EXOC3L1: variants seen among roughly 807,000 people sequenced by gnomAD.
EXOC3L1 encodes the protein exocyst complex component 3 like 1, also known as exocyst complex component 3-like protein.
A neutral mutation model predicts 83.6 loss-of-function variants in EXOC3L1; 79 were observed. The ratio of observed to expected loss-of-function variants is 0.95; its 90% CI spans 0.79 to 1.14. The LOEUF (loss-of-function observed/expected upper bound fraction) is 1.14, where lower values mean the gene tolerates loss of function less well. Ranked by LOEUF, EXOC3L1 falls within the 50% of genes most tolerant of loss-of-function variation. The pLI is 0.00. For missense variants in EXOC3L1, 945 were observed against 972.0 expected (o/e 0.97, Z 0.37); for synonymous variants, 433 against 451.2 (o/e 0.96, Z 0.51).
chr16:67,185,735 C>T (rs1228290444), intron 9 of EXOC3L1: 7 of 573,304 alleles, frequency 1.2e-5, no homozygotes, highest in Non-Finnish European at 1.6e-5. Context: ...GGAAAACATT[C>T]TTTCGGTTTC....
Position 67,187,453 on chromosome 16 carries a change from G to T in EXOC3L1, c.812C>A (p.Ala271Asp). Reference sequence around the variant, plus strand: ...CAGAGCCTCCAGCCACCCTGGTAGGGCCCCTGGTGCAGGCAGCAGAGGTGA... The same window carrying T: ...CAGAGCCTCCAGCCACCCTGGTAGGTCCCCTGGTGCAGGCAGCAGAGGTGA... ...FGSPLLPAPG[A>D]LPGWLEALRV... Residue 271 changes from alanine to aspartate, a missense_variant, in exon 5 of 14, where the codon GCC becomes GAC. By Grantham distance (126) the Ala-to-Asp change is moderately radical. Transcript: ENST00000314586. 6.2e-7 allele frequency: 1 copy of T among 1,608,972 alleles called. No homozygotes were observed. Among genetic ancestry groups the T allele is most frequent in the Non-Finnish European group, 8.5e-7 (1 of 1,179,736 alleles).
chr16:67,186,944 G>T, intron 6 of EXOC3L1, 60 bp from the exon 7 acceptor site: 1 of 1,612,572 alleles, frequency 6.2e-7, no homozygotes, highest in Non-Finnish European at 8.5e-7. Flanking sequence ...CTGGAGATGG[G>T]TAGACATTCC....
rs1326820702 is a variant in EXOC3L1 at position 67,189,071 on chromosome 16, C to T, written c.156G>A (p.Gln52=). The change falls in exon 3 of 14, where the codon CAG becomes CAA. Residue 52 remains glutamine (Q), a synonymous_variant. Coordinates refer to ENST00000314586, the MANE Select transcript of EXOC3L1 (RefSeq NM_178516.4). ...TACGCTGCACCTCGCGGCTGCGGTA[C>T]TGGCCTAGCCTGGCCAGCTGCTCCG... ...YRPEQLARLG[Q]YRSREVQRTC... is the part of the protein sequence containing the mutation. The T allele has an allele frequency of 1.2e-6, 2 of 1,607,296 alleles. No homozygotes were observed. Among genetic ancestry groups the T allele is most frequent in the African/African-American group, 2.7e-5 (2 of 74,988 alleles).
rs141493416 is a variant in EXOC3L1, at chr16:67,185,466, C to T, written c.1521G>A (p.Leu507=). 7.5e-6 allele frequency: 12 copies of T among 1,609,822 alleles called. No individual in the cohort carries two copies. In the African/African-American group the frequency reaches 1.3e-4, roughly 18 times the overall value. The change falls in exon 10 of 14, where the codon CTG becomes CTA. Residue 507 remains leucine, a synonymous_variant. Transcript: ENST00000314586. ...ALSSSVSVLQ[L]DGAPSGALAP... ...CCAAGGCCCCTGAAGGCGCCCCGTC[C>T]AGCTGCAGGACAGACACTGAGGAGC...
rs772771429 is a variant in EXOC3L1 at position 67,187,840 on chromosome 16, A to G, written c.428-3T>C. 1.4e-4 allele frequency: 219 copies of G among 1,574,576 alleles called. 2 individuals carry two copies. In the Admixed American group the frequency reaches 3.9e-3, roughly 28 times the overall value. ...TGTGTGGGACACTGCAGCCGGCACTAATGAGAGTGAAAAGGAGACGGCCCT... is the reference window on the plus strand; with the variant it reads ...TGTGTGGGACACTGCAGCCGGCACTGATGAGAGTGAAAAGGAGACGGCCCT... On this transcript the variant is annotated splice_region_variant and splice_polypyrimidine_tract_variant and intron_variant, in intron 4 of 13. Coordinates refer to ENST00000314586, the MANE Select transcript of EXOC3L1 (RefSeq NM_178516.4).
In EXOC3L1 at chr16:67,187,568, G is replaced by A. The variant is rs199535071; in HGVS notation, c.697C>T (p.Arg233Ter). ...GGGACCTGGCCCAGGGGGGTTGTTC[G>A]TCCAGTCTCCACCTCCGCCACACGC... ...AVRVAEVETG[R>*]TTPLGQVPRD... Residue 233 changes from arginine to a stop codon, truncating the protein, a stop_gained, in exon 5 of 14, where the codon CGA becomes TGA. Transcript: ENST00000314586. LOFTEE classifies it high-confidence loss of function. 37 of 1,604,268 alleles carry A rather than the reference G, an allele frequency of 2.3e-5. No individual in the cohort carries two copies. The highest frequency in any genetic ancestry group is 1.7e-4 in the Middle Eastern group (1 of 6,052).
At chr16:67,189,846 G>A in intron 1 of EXOC3L1, 125 bp downstream of exon 1, 1 of 653,596 alleles carries the variant, frequency 1.5e-6, no homozygotes, top group Non-Finnish European at 2.6e-6. Flanking sequence ...GCACCTGGGA[G>A]GCTTTGCCTG....
chr16:67,188,710 T>C lies in EXOC3L1; in HGVS notation c.427+11A>G. 1.2e-6 allele frequency: 2 copies of C among 1,606,208 alleles called. No individual in the cohort carries two copies. Among genetic ancestry groups the C allele is most frequent in the East Asian group, 2.2e-5 (1 of 44,702 alleles). ...ATTGGAGGCTGAGGCCCAGGGTCCCTGCATGCTCACCTGCCCGCAGCCGAG... is the reference window on the plus strand; with the variant it reads ...ATTGGAGGCTGAGGCCCAGGGTCCCCGCATGCTCACCTGCCCGCAGCCGAG... On this transcript the variant is annotated intron_variant, in intron 4 of 13. Coordinates refer to ENST00000314586, the MANE Select transcript of EXOC3L1 (RefSeq NM_178516.4).
At chr16:67,186,137 G>A (rs2032713009) in intron 9 of EXOC3L1, 100 bp downstream of exon 9, 2 of 834,048 alleles carry the variant, frequency 2.4e-6, no homozygotes, top group Admixed American at 4.4e-5. Context: ...GGCGATGTGA[G>A]TCCAAAGTCC....
At chr16:67,189,803 G>A (rs376587737) in intron 1 of EXOC3L1, 120 bp from the exon 2 acceptor site, 8 of 1,024,012 alleles carry the variant, frequency 7.8e-6, no homozygotes, top group African/African-American at 1.6e-5. Context: ...CGGCCCCCTC[G>A]GGAAGTGAGA....
In EXOC3L1 at chr16:67,187,780, G is replaced by A. The variant is rs1349329413; in HGVS notation, c.485C>T (p.Ala162Val). The A allele has an allele frequency of 1.2e-6, 2 of 1,612,304 alleles. No homozygotes were observed. Among genetic ancestry groups the A allele is most frequent in the Non-Finnish European group, 1.7e-6 (2 of 1,179,612 alleles). ...CTCCAGCTCCCGAAGGCTCACATAT[G>A]CCTCCAAGAACTGTTGGCCATCAAT... ...TLIDGQQFLE[A>V]YVSLRELEQL... Residue 162 changes from alanine (A) to valine (V), a missense_variant, in exon 5 of 14, where the codon GCA becomes GTA. Transcript: ENST00000314586.
Position 67,187,132 on chromosome 16 carries a change from T to C in EXOC3L1, c.1047A>G (p.Glu349=), listed in dbSNP as rs1258802903. 1.2e-6 allele frequency: 2 copies of C among 1,613,028 alleles called. No homozygotes were observed. Among genetic ancestry groups the C allele is most frequent in the African/African-American group, 2.7e-5 (2 of 74,904 alleles). The change falls in exon 6 of 14, where the codon GAA becomes GAG. Residue 349 remains glutamate, a synonymous_variant. Transcript: ENST00000314586. ...HWALHVYLGQ[E]MMGSLELGPE... ...GCCCCAACTCCAGGCTCCCCATCAT[T>C]TCCTGCCTGGAGATAGGTGGCCTGG... is the stretch of plus-strand genomic sequence containing the variant.
In EXOC3L1 at chr16:67,187,277, C is replaced by G. The variant is rs1470308864; in HGVS notation, c.988G>C (p.Glu330Gln). 1.9e-6 allele frequency: 3 copies of G among 1,612,926 alleles called. No individual in the cohort carries two copies. The East Asian group carries it at 6.7e-5, about 36-fold the overall frequency. ...AGCAAGGCGAAGGCATCCGCAGCTT[C>G]TAGCTCAGGCCCTGCAAGGAGGTTC... ...LQNLLAGPELEAADAFALLHW... is the reference protein window; with the variant it reads ...LQNLLAGPELQAADAFALLHW... The change falls in exon 5 of 14, where the codon GAA becomes CAA. Residue 330 changes from glutamate (E) to glutamine (Q), a missense_variant. By Grantham distance (29) the Glu-to-Gln change is conservative. Coordinates refer to ENST00000314586, the MANE Select transcript of EXOC3L1 (RefSeq NM_178516.4).
In EXOC3L1 at chr16:67,184,678, G is replaced by C. The variant is rs1167332785; in HGVS notation, c.2030+8C>G. ...GGCTTCTCTTCCCTTCTGGCCCCCA[G>C]TCCGCACCTCACGTCGGGAAATTGT... On this transcript the variant is annotated splice_region_variant and intron_variant, in intron 13 of 13. Coordinates refer to ENST00000314586, the MANE Select transcript of EXOC3L1 (RefSeq NM_178516.4). 1.9e-6 allele frequency: 3 copies of C among 1,577,270 alleles called. No homozygotes were observed. The highest frequency in any genetic ancestry group is 2.2e-5 in the East Asian group (1 of 44,470).
At position 67,184,809 on chromosome 16, in the gene EXOC3L1, C is replaced by T. The variant is rs1455523072; in HGVS notation, c.1907G>A (p.Gly636Asp). The change falls in exon 13 of 14, where the codon GGC becomes GAC. Residue 636 changes from glycine to aspartate, a missense_variant and splice_region_variant. Gly to Asp is a moderately conservative substitution (Grantham distance 94, BLOSUM62 -1). Coordinates refer to ENST00000314586, the MANE Select transcript of EXOC3L1 (RefSeq NM_178516.4). ...CGCGCAGTGCGCGTTCTCCTCCAGG[C>T]CCTGAGCACGTCGGGGTAGGGTCTC... ...AQLQQLFLSLGLEENAHCAPV... is the reference protein window; with the variant it reads ...AQLQQLFLSLDLEENAHCAPV... 5 of 1,603,280 alleles carry T rather than the reference C, an allele frequency of 3.1e-6. No homozygotes were observed. The highest frequency in any genetic ancestry group is 4.2e-6 in the Non-Finnish European group (5 of 1,179,590).
Position 67,184,671 on chromosome 16 carries a change from G to T in EXOC3L1, c.2030+15C>A, listed in dbSNP as rs1187416761. ...GCCCTCCGGCTTCTCTTCCCTTCTG[G>T]CCCCCAGTCCGCACCTCACGTCGGG... On this transcript the variant is annotated intron_variant, in intron 13 of 13. Transcript: ENST00000314586. 6.3e-7 allele frequency: 1 copy of T among 1,578,118 alleles called. No homozygotes were observed. Among genetic ancestry groups the T allele is most frequent in the Admixed American group, 1.7e-5 (1 of 58,086 alleles).
chr16:67,188,889 C>G lies in EXOC3L1; in HGVS notation c.259G>C (p.Ala87Pro). 6.2e-7 allele frequency: 1 copy of G among 1,613,184 alleles called. No homozygotes were observed. Reference sequence around the variant, plus strand: ...CCCTGCACCACCTCAATGGCCTGGGCCAGCTGCCACACACCAGTCTGCACG... The same window carrying G: ...CCCTGCACCACCTCAATGGCCTGGGGCAGCTGCCACACACCAGTCTGCACG... ...EGVQTGVWQL[A>P]QAIEVVQGTR... Residue 87 changes from alanine (A) to proline (P), a missense_variant, in exon 4 of 14, where the codon GCC becomes CCC. Physicochemically the swap from Ala to Pro is conservative, Grantham distance 27. Transcript: ENST00000314586.
chr16:67,189,722 G>T, intron 1 of EXOC3L1, 39 bp from the exon 2 acceptor site: 1 of 1,604,746 alleles, frequency 6.2e-7, no homozygotes, highest in Non-Finnish European at 8.5e-7. Context: ...GGGGCAAGCA[G>T]GCAGAGTAGA....
At position 67,187,731 on chromosome 16, in the gene EXOC3L1, T is replaced by C; in HGVS notation, c.534A>G (p.Ala178=). The C allele has an allele frequency of 1.2e-6, 2 of 1,612,906 alleles. No homozygotes were observed. The highest frequency in any genetic ancestry group is 1.7e-6 in the Non-Finnish European group (2 of 1,179,986). ...ELEQLREDTW[A]PLGGLELPVF... ...CTGGCAACTCCAGGCCCCCCAGGGGTGCCCACGTATCCTCTCGCAGCTGCT... is the reference window on the plus strand; with the variant it reads ...CTGGCAACTCCAGGCCCCCCAGGGGCGCCCACGTATCCTCTCGCAGCTGCT... The change falls in exon 5 of 14, where the codon GCA becomes GCG. Residue 178 remains alanine, a synonymous_variant. Coordinates refer to ENST00000314586, the MANE Select transcript of EXOC3L1 (RefSeq NM_178516.4).
Sources: allele counts gnomAD v4.1 joint callset, GRCh38; gene constraint gnomAD v4.1.1; transcripts MANE v1.5; gene names NCBI Gene and HGNC (gene_info 2026-07-23, HGNC 2026-07-21).